Variants in PLEKHM3 observed in about 807,000 individuals in gnomAD.
The protein encoded by PLEKHM3 is pleckstrin homology domain-containing family M member 3.
Under a neutral mutation model 81.8 loss-of-function variants are expected in PLEKHM3, and 45 were observed. The ratio of observed to expected loss-of-function variants is 0.55; its 90% confidence interval spans 0.43 to 0.71. The LOEUF is 0.71. Ranked by LOEUF, PLEKHM3 falls within the 30% of genes least tolerant of loss-of-function variation. The pLI is 0.00. For synonymous variants in PLEKHM3, 352 were observed against 356.4 expected (o/e 0.99, Z 0.14); for missense variants, 788 against 924.3 (o/e 0.85, Z 1.91).
intron 6 of PLEKHM3, among the ~76,000 whole-genome samples, chr2:207,877,480 C>A (rs1331926055): frequency 6.6e-6 from 1 of 152,116 alleles, no homozygotes; most frequent in African/African-American, 2.4e-5. Flanking sequence ...TTCAGTTTTC[C>A]TTGGGCTCCC....
intron 7 of PLEKHM3, among the ~76,000 whole-genome samples, chr2:207,856,334 T>G (rs10451577): frequency 0.65 from 99,201 of 151,932 alleles, 33,219 homozygotes; most frequent in African/African-American, 0.76. Flanking sequence ...ACTAAAGTCC[T>G]CCATTTGAGT....
At chr2:207,999,145 G>A (rs569652487) in intron 2 of PLEKHM3, among the ~76,000 whole-genome samples, 4 of 152,090 alleles carry the variant, frequency 2.6e-5, no homozygotes, top group African/African-American at 9.6e-5. Context: ...ACCAAGCCCA[G>A]CTAATTTTTG....
intron 6 of PLEKHM3, among the ~76,000 whole-genome samples, chr2:207,871,464 A>G (rs2092533883): frequency 6.6e-6 from 1 of 152,208 alleles, no homozygotes; most frequent in Non-Finnish European, 1.5e-5. Flanking sequence ...AATTGGGTAG[A>G]TTTATGAGTG....
chr2:207,860,149 C>CTGTGTGTGTGTGTGTG (rs1491556619), intron 7 of PLEKHM3, among the ~76,000 whole-genome samples: 15 of 63,830 alleles, frequency 2.3e-4, no homozygotes, highest in African/African-American at 8.3e-4. Flanking sequence ...TGAACTCTGC[C>CTGTGTGTGTGTGTGTG]TCTGTGTGTG....
intron 4 of PLEKHM3, among the ~76,000 whole-genome samples, chr2:207,936,614 G>A (rs1689760250): frequency 6.6e-6 from 1 of 152,082 alleles, no homozygotes; most frequent in Admixed American, 6.5e-5. Flanking sequence ...GAAGCTACAA[G>A]GTGAAAACAA....
At chr2:207,960,594 C>A (rs923764474) in intron 3 of PLEKHM3, among the ~76,000 whole-genome samples, 1 of 152,188 alleles carries the variant, frequency 6.6e-6, no homozygotes. Flanking sequence ...CATTTATTAA[C>A]CCTGTAAAAC....
chr2:207,902,769 C>T (rs1688473896), intron 6 of PLEKHM3, among the ~76,000 whole-genome samples: 2 of 151,994 alleles, frequency 1.3e-5, no homozygotes, highest in Non-Finnish European at 2.9e-5. Context: ...AGTGAGTTCA[C>T]GATAGTATAT....
At chr2:207,865,801 A>AATACAT in intron 6 of PLEKHM3, among the ~76,000 whole-genome samples, 1 of 25,300 alleles carries the variant, frequency 4.0e-5, no homozygotes, top group African/African-American at 2.1e-4. Context: ...AAAAAAAAAA[A>AATACAT]AGATATATAT....
intron 6 of PLEKHM3, among the ~76,000 whole-genome samples, chr2:207,907,850 G>C (rs145122281): frequency 6.6e-6 from 1 of 152,004 alleles, no homozygotes; most frequent in Non-Finnish European, 1.5e-5. Context: ...TCATTTCTTC[G>C]CTCTCCCCAG....
intron 4 of PLEKHM3, among the ~76,000 whole-genome samples, chr2:207,945,642 C>G (rs1209246677): frequency 1.3e-5 from 2 of 152,156 alleles, no homozygotes; most frequent in Non-Finnish European, 2.9e-5. Context: ...TGGCTCATGC[C>G]TGTAATCTCA....
At chr2:207,899,888 G>T (rs1323683668) in intron 6 of PLEKHM3, among the ~76,000 whole-genome samples, 3 of 152,120 alleles carry the variant, frequency 2.0e-5, no homozygotes, top group Non-Finnish European at 4.4e-5. Flanking sequence ...TCTCTCTCTG[G>T]CTCATGATTA....
chr2:207,835,875 G>A (rs4675718), intron 7 of PLEKHM3, among the ~76,000 whole-genome samples: 1 of 151,730 alleles, frequency 6.6e-6, no homozygotes, highest in Non-Finnish European at 1.5e-5. Flanking sequence ...CAAGTTTTTT[G>A]GGGGGATGGG....
At chr2:208,003,755 T>C (rs73064902) in intron 1 of PLEKHM3, among the ~76,000 whole-genome samples, 8,308 of 152,274 alleles carry the variant, frequency 0.055, 719 homozygotes, top group African/African-American at 0.19. Context: ...AGGGTTTTAG[T>C]GCTTCTGTAA....
At chr2:207,865,518 C>T (rs1248541018) in intron 6 of PLEKHM3, among the ~76,000 whole-genome samples, 1 of 151,846 alleles carries the variant, frequency 6.6e-6, no homozygotes, top group Admixed American at 6.6e-5. Context: ...TGGCTCATGC[C>T]TGTAATCCCA....
chr2:207,923,855 G>GCACACACACACA (rs1157865708), intron 5 of PLEKHM3, among the ~76,000 whole-genome samples: 14 of 18,902 alleles, frequency 7.4e-4, no homozygotes, highest in Admixed American at 1.0e-3. Flanking sequence ...ACACACGCAC[G>GCACACACACACA]CACACACACA....
chr2:207,948,349 CTTTTTT>C (rs752976462), intron 3 of PLEKHM3, among the ~76,000 whole-genome samples: 1 of 81,060 alleles, frequency 1.2e-5, no homozygotes, highest in Non-Finnish European at 2.2e-5. Flanking sequence ...CTCCTCAGAT[CTTTTTT>C]TTTTTTTTTT....
At chr2:207,937,786 G>A (rs1003360701) in intron 4 of PLEKHM3, among the ~76,000 whole-genome samples, 5 of 152,092 alleles carry the variant, frequency 3.3e-5, no homozygotes, top group African/African-American at 4.8e-5. Flanking sequence ...TCCTTCCTGT[G>A]TTTATTCCCA....
At chr2:207,871,544 T>A (rs968228741) in intron 6 of PLEKHM3, among the ~76,000 whole-genome samples, 44 of 152,304 alleles carry the variant, frequency 2.9e-4, no homozygotes, top group African/African-American at 9.9e-4. Flanking sequence ...ATAAAAGATT[T>A]AAAAAATTTC....
At chr2:207,959,102 C>A (rs960964621) in intron 3 of PLEKHM3, among the ~76,000 whole-genome samples, 1 of 152,062 alleles carries the variant, frequency 6.6e-6, no homozygotes, top group Admixed American at 6.6e-5. Context: ...TAAAGAATAT[C>A]ATATTAACAT....
Sources: gnomAD v4.1 joint callset for allele counts (sites outside exome capture counted in the v4.1 genomes callset) on GRCh38, gnomAD v4.1.1 for gene constraint, MANE v1.5 for transcripts, NCBI Gene and HGNC (gene_info 2026-07-23, HGNC 2026-07-21) for gene names.